PKD1L1: variants seen among roughly 807,000 people sequenced by gnomAD.
PKD1L1 encodes the protein polycystin-1-like protein 1.
PKD1L1 carries 236 observed loss-of-function variants against 323.4 expected under a neutral mutation model. That is an observed-to-expected ratio of 0.73 (90% CI 0.66 to 0.81). The LOEUF (loss-of-function observed/expected upper bound fraction) is 0.81, where lower values mean the gene tolerates loss of function less well. Among genes scored for constraint, PKD1L1 ranks in the 40% least tolerant of loss-of-function variants. PKD1L1 has a pLI of 0.00. For synonymous variants in PKD1L1, 1,344 were observed against 1,335.0 expected (o/e 1.01, Z -0.15); for missense variants, 3,320 against 3,508.0 (o/e 0.95, Z 1.35).
At chr7:47,885,595 A>C in intron 18 of PKD1L1, 91 bp downstream of exon 18, 1 of 1,490,892 alleles carries the variant, frequency 6.7e-7, no homozygotes, top group Non-Finnish European at 9.0e-7. Context: ...TGTTGATGTG[A>C]TCTCACACCT....
At chr7:47,811,737 G>A (rs1393639089) in intron 50 of PKD1L1, 80 bp downstream of exon 50, 16 of 1,167,958 alleles carry the variant, frequency 1.4e-5, no homozygotes, top group Non-Finnish European at 2.0e-5. Flanking sequence ...AACTAGTCCT[G>A]TCTGGTGGAG....
chr7:47,846,343 G>A (rs1785664545), intron 32 of PKD1L1, among the ~76,000 whole-genome samples: 1 of 152,190 alleles, frequency 6.6e-6, no homozygotes, highest in Non-Finnish European at 1.5e-5. Context: ...CATATGCCCA[G>A]AAATTCCTGA....
At chr7:47,831,186 C>G (rs1490376386) in intron 42 of PKD1L1, 31 bp downstream of exon 42, 1 of 1,599,972 alleles carries the variant, frequency 6.3e-7, no homozygotes, top group East Asian at 2.2e-5. Flanking sequence ...ATCTGAGGAC[C>G]TGAGGATGTT....
chr7:47,882,441 CA>C (rs1786580987), intron 19 of PKD1L1, among the ~76,000 whole-genome samples: 1 of 151,782 alleles, frequency 6.6e-6, no homozygotes, highest in Non-Finnish European at 1.5e-5. Context: ...TGAGGCAGTC[CA>C]AAAAATAAAT....
chr7:47,881,807 A>G (rs1786559302), intron 20 of PKD1L1, 102 bp downstream of exon 20: 2 of 1,131,088 alleles, frequency 1.8e-6, no homozygotes, highest in Non-Finnish European at 2.5e-6. Flanking sequence ...ACAATTCTAA[A>G]TACTTATCTA....
chr7:47,838,876 C>CAAAAAAAAAAA (rs57858359), intron 36 of PKD1L1, among the ~76,000 whole-genome samples: 4 of 85,318 alleles, frequency 4.7e-5, no homozygotes, highest in Non-Finnish European at 6.4e-5. Flanking sequence ...GACTCCATCT[C>CAAAAAAAAAAA]AAAAAAAAAA....
chr7:47,908,345 T>C (rs1787252354), intron 8 of PKD1L1, 95 bp from the exon 9 acceptor site: 4 of 1,154,608 alleles, frequency 3.5e-6, no homozygotes, highest in South Asian at 2.9e-5. Context: ...GTGATTAATA[T>C]GGGAACTGAT....
At chr7:47,789,636 G>C (rs1321205053) in intron 56 of PKD1L1, among the ~76,000 whole-genome samples, 11 of 151,998 alleles carry the variant, frequency 7.2e-5, no homozygotes, top group Admixed American at 6.6e-4. Context: ...ACTTTTATTT[G>C]TTGTTGCTCC....
chr7:47,927,301 T>G (rs186233441), intron 7 of PKD1L1, among the ~76,000 whole-genome samples: 1 of 151,888 alleles, frequency 6.6e-6, no homozygotes, highest in Non-Finnish European at 1.5e-5. Context: ...TTTTTTGAGA[T>G]GGAGTCTTGC....
intron 4 of PKD1L1, among the ~76,000 whole-genome samples, chr7:47,934,017 T>C (rs1466358818): frequency 6.6e-6 from 1 of 152,230 alleles, no homozygotes; most frequent in Admixed American, 6.5e-5. Context: ...GACTGGTTCA[T>C]TAACCCTTTC....
chr7:47,819,614 A>T, intron 46 of PKD1L1: 1 of 1,327,442 alleles, frequency 7.5e-7, no homozygotes, highest in East Asian at 4.6e-5. Flanking sequence ...AGAAAATTCC[A>T]CTTAATTTCA....
chr7:47,917,076 A>C (rs1342366357), intron 7 of PKD1L1, among the ~76,000 whole-genome samples: 1 of 152,230 alleles, frequency 6.6e-6, no homozygotes, highest in African/African-American at 2.4e-5. Flanking sequence ...AATCCAAAAA[A>C]TGATACAAGA....
chr7:47,819,794 C>A (rs1053127993), intron 46 of PKD1L1: 2 of 249,572 alleles, frequency 8.0e-6, no homozygotes, highest in African/African-American at 2.4e-5. Context: ...TATGAATAAC[C>A]CTCTCTCACA....
At chr7:47,824,221 G>GA (rs894780867) in intron 45 of PKD1L1, among the ~76,000 whole-genome samples, 3 of 152,064 alleles carry the variant, frequency 2.0e-5, no homozygotes, top group Non-Finnish European at 4.4e-5. Flanking sequence ...TTTCTTGCTG[G>GA]AAAAATCTAG....
At chr7:47,944,477 T>C (rs1245896531) in intron 1 of PKD1L1, among the ~76,000 whole-genome samples, 5 of 152,186 alleles carry the variant, frequency 3.3e-5, no homozygotes, top group Non-Finnish European at 7.3e-5. Context: ...GCAGATGGGA[T>C]CATGAAGGCC....
intron 47 of PKD1L1, among the ~76,000 whole-genome samples, chr7:47,814,455 C>T (rs1784972066): frequency 6.6e-6 from 1 of 152,232 alleles, no homozygotes; most frequent in Non-Finnish European, 1.5e-5. Context: ...CCTGAGCTCA[C>T]TGCAATCTCC....
chr7:47,787,085 C>T (rs1236265192), intron 56 of PKD1L1, among the ~76,000 whole-genome samples: 2 of 150,568 alleles, frequency 1.3e-5, no homozygotes, highest in Non-Finnish European at 3.0e-5. Flanking sequence ...CAAATAAATG[C>T]CTTGAAGTTA....
chr7:47,789,087 A>G (rs1029270237), intron 56 of PKD1L1, among the ~76,000 whole-genome samples: 1 of 152,182 alleles, frequency 6.6e-6, no homozygotes, highest in African/African-American at 2.4e-5. Flanking sequence ...CAGTTTTTAG[A>G]TCAATAAATT....
intron 42 of PKD1L1, 59 bp downstream of exon 42, chr7:47,831,158 A>C (rs1785340894): frequency 2.6e-6 from 4 of 1,558,632 alleles, no homozygotes; most frequent in Non-Finnish European, 3.5e-6. Context: ...GGATTTGTTT[A>C]CAAATGCGAG....
Sources: gnomAD v4.1 joint callset for allele counts (sites outside exome capture counted in the v4.1 genomes callset) on GRCh38, gnomAD v4.1.1 for gene constraint, MANE v1.5 for transcripts, NCBI Gene and HGNC (gene_info 2026-07-23, HGNC 2026-07-21) for gene names.